GSE1: variants seen among roughly 807,000 people sequenced by gnomAD.
GSE1 encodes the protein genetic suppressor element 1.
Under a neutral mutation model 112.6 loss-of-function variants are expected in GSE1, and 32 were observed. That is an observed-to-expected ratio of 0.28 (90% CI 0.21 to 0.38). The LOEUF (loss-of-function observed/expected upper bound fraction) is 0.38. Ranked by LOEUF, GSE1 falls within the 10% of genes least tolerant of loss-of-function variation. GSE1 has a pLI of 1.00. For synonymous variants in GSE1, 1,115 were observed against 735.6 expected (o/e 1.52, Z -8.35); for missense variants, 2,348 against 1,699.2 (o/e 1.38, Z -6.71).
At chr16:85,190,852 G>A (rs2074805378) in intron 1 of GSE1, among the ~76,000 whole-genome samples, 1 of 152,270 alleles carries the variant, frequency 6.6e-6, no homozygotes, top group Admixed American at 6.5e-5. Context: ...GGGTGGGGCT[G>A]ATGGTGAGCA....
chr16:85,223,427 A>G (rs4782692), intron 1 of GSE1, among the ~76,000 whole-genome samples: 73,393 of 150,560 alleles, frequency 0.49, 18,202 homozygotes, highest in African/African-American at 0.57. Context: ...GGAGGCTGAG[A>G]CAGGAGAATA....
chr16:85,381,886 C>G (rs1039364538), intron 2 of GSE1, among the ~76,000 whole-genome samples: 1 of 152,238 alleles, frequency 6.6e-6, no homozygotes, highest in Admixed American at 6.5e-5. Context: ...GGTCCCCTGC[C>G]TGACACCCGC....
At chr16:85,367,072 C>G (rs2047200322) in intron 2 of GSE1, among the ~76,000 whole-genome samples, 1 of 152,362 alleles carries the variant, frequency 6.6e-6, no homozygotes, top group East Asian at 1.9e-4. Context: ...GTGGCCTCTG[C>G]TCACCCACTG....
intron 2 of GSE1, among the ~76,000 whole-genome samples, chr16:85,489,605 C>A (rs28536644): frequency 3.5e-5 from 5 of 143,230 alleles, no homozygotes; most frequent in Non-Finnish European, 6.1e-5. Flanking sequence ...GTGCTTCATT[C>A]GTGAAGTTGC....
chr16:85,637,330 C>T (rs4843172), intron 2 of GSE1, among the ~76,000 whole-genome samples: 28,879 of 152,232 alleles, frequency 0.19, 3,329 homozygotes, highest in Middle Eastern at 0.27. Flanking sequence ...CGTGACAGCC[C>T]TTCCTGCTTC....
intron 2 of GSE1, among the ~76,000 whole-genome samples, chr16:85,443,058 A>C (rs1184381183): frequency 6.6e-6 from 1 of 152,222 alleles, no homozygotes; most frequent in Non-Finnish European, 1.5e-5. Flanking sequence ...GGCCCACCCT[A>C]CAGTGGCATG....
chr16:85,462,777 G>T (rs2151826987), intron 2 of GSE1, among the ~76,000 whole-genome samples: 1 of 133,516 alleles, frequency 7.5e-6, no homozygotes, highest in African/African-American at 2.7e-5. Flanking sequence ...CAGCCGCGCC[G>T]CCACGGCTGG....
At chr16:85,638,322 T>C (rs1306702606) in intron 2 of GSE1, among the ~76,000 whole-genome samples, 2 of 152,128 alleles carry the variant, frequency 1.3e-5, no homozygotes, top group African/African-American at 4.8e-5. Context: ...CGTCTTCTCT[T>C]CTTCAAAGCT....
Position 85,668,500 on chromosome 16 carries a change from T to G in GSE1, c.3415+76T>G, listed in dbSNP as rs78270720. 38 of 954,898 alleles carry G rather than the reference T, an allele frequency of 4.0e-5. No individual in the cohort carries two copies. In the East Asian group the frequency reaches 9.3e-4, roughly 23 times the overall value. 59.2% of individuals were successfully genotyped at this position (954,898 alleles called of 1,614,324 possible). ...GAAAGGAAGCTGAGTGATGAGTTCA[T>G]GCAGACCTCTGCCAGCCTGGGGACT... is the stretch of plus-strand genomic sequence containing the variant. On this transcript the variant is annotated intron_variant, in intron 14 of 15. Transcript: ENST00000253458.
intron 1 of GSE1, among the ~76,000 whole-genome samples, chr16:85,577,781 A>G (rs1175444644): frequency 1.3e-5 from 2 of 152,082 alleles, no homozygotes; most frequent in South Asian, 2.1e-4. Context: ...CGGGTCCCCC[A>G]CCCCAGCAGG....
intron 1 of GSE1, among the ~76,000 whole-genome samples, chr16:85,620,127 A>G (rs1461245315): frequency 2.0e-5 from 3 of 152,098 alleles, no homozygotes; most frequent in African/African-American, 4.8e-5. Context: ...AAAAATAAAA[A>G]TAAAAAGAAC....
At position 85,656,397 on chromosome 16, in the gene GSE1, G is replaced by A; in HGVS notation, c.1044G>A (p.Glu348=). 1 of 1,464,356 alleles carries A rather than the reference G, an allele frequency of 6.8e-7. No homozygotes were observed. The highest frequency in any genetic ancestry group is 9.2e-7 in the Non-Finnish European group (1 of 1,086,062). 90.7% of individuals were successfully genotyped at this position (1,464,356 alleles called of 1,614,324 possible). ...RRERERERER[E]REREADRERE... ...AGAGGGAGCGCGAGCGCGAGCGCGAGCGTGAGCGTGAGGCTGACCGCGAGC... is the reference window on the plus strand; with the variant it reads ...AGAGGGAGCGCGAGCGCGAGCGCGAACGTGAGCGTGAGGCTGACCGCGAGC... The change falls in exon 7 of 16, where the codon GAG becomes GAA. Residue 348 remains glutamate (E), a synonymous_variant. Coordinates refer to ENST00000253458, the MANE Select transcript of GSE1 (RefSeq NM_014615.5).
intron 1 of GSE1, among the ~76,000 whole-genome samples, chr16:85,247,353 A>G (rs1325979049): frequency 6.6e-6 from 1 of 152,166 alleles, no homozygotes; most frequent in Non-Finnish European, 1.5e-5. Context: ...ATGGATGGGA[A>G]ACCCACCGCA....
In GSE1 at chr16:85,180,713, T is replaced by G. The variant is rs2074565964; in HGVS notation, c.2283+8906T>G. 3.9e-5 allele frequency among the ~76,000 whole-genome samples: 6 copies of G among 152,168 alleles called. No individual in the cohort carries two copies. In the South Asian group the frequency reaches 1.2e-3, roughly 32 times the overall value. On this transcript the variant is annotated intron_variant, in intron 1 of 2. Coordinates refer to the GSE1 transcript ENST00000637419. The stretch of plus-strand genomic sequence containing the variant: ...GGGATCCGCACCCAGGCTGCCTGGC[T>G]CCAGCGTCTGCACTCTGCCATGCTC...
intron 2 of GSE1, among the ~76,000 whole-genome samples, chr16:85,507,569 A>C (rs1351718751): frequency 6.6e-6 from 1 of 152,210 alleles, no homozygotes; most frequent in Admixed American, 6.5e-5. Flanking sequence ...AGGAGCCTGA[A>C]GTCAAGGTGT....
Position 85,331,705 on chromosome 16 carries a change from ATATTTTTTT to A in GSE1, c.2284-25756_2284-25748del, listed in dbSNP as rs1251476635. Among the ~76,000 whole-genome samples, 131 of 52,864 alleles carry A rather than the reference ATATTTTTTT, an allele frequency of 2.5e-3. 3 individuals are homozygous for A. The highest frequency in any genetic ancestry group is 9.2e-3 in the African/African-American group (125 of 13,558). The allele number at this position is 52,864 out of a possible 152,430, so 34.7% of individuals were successfully genotyped here. A position where few individuals can be genotyped will look rare whatever the true frequency, so the allele number is the denominator to read the frequency against. On this transcript the variant is annotated intron_variant, in intron 1 of 2. Transcript: ENST00000637419. ...TGTGTGTATATATATATATATATAT[ATATTTTTTT>A]TTTTTTTTTTTTTAGTTAAGATGGG...
intron 7 of GSE1, among the ~76,000 whole-genome samples, chr16:85,656,887 T>C (rs548213834): frequency 2.0e-5 from 3 of 152,394 alleles, no homozygotes; most frequent in East Asian, 3.9e-4. Flanking sequence ...TTGTGAAATG[T>C]AGCCGGGGCA....
intron 1 of GSE1, among the ~76,000 whole-genome samples, chr16:85,312,541 G>A (rs760499455): frequency 2.6e-5 from 4 of 152,198 alleles, no homozygotes; most frequent in South Asian, 2.1e-4. Context: ...TGGATTTAGA[G>A]CCCCGTGGAT....
chr16:85,293,588 G>A (rs1446474296), intron 1 of GSE1, among the ~76,000 whole-genome samples: 4 of 152,176 alleles, frequency 2.6e-5, no homozygotes, highest in Non-Finnish European at 1.5e-5. Flanking sequence ...TGAAACAGTA[G>A]AAATGTATTC....
Sources: allele counts gnomAD v4.1 joint callset (sites outside exome capture counted in the v4.1 genomes callset), GRCh38; gene constraint gnomAD v4.1.1; transcripts MANE v1.5; gene names NCBI Gene and HGNC (gene_info 2026-07-23, HGNC 2026-07-21).